SERPINA3: variants seen among roughly 807,000 people sequenced by gnomAD.
The protein encoded by SERPINA3 is alpha-1-antichymotrypsin.
SERPINA3 carries 32 observed loss-of-function variants against 26.8 expected under a neutral mutation model. The observed-to-expected ratio is 1.20, with a 90% CI of 0.90 to 1.61. The LOEUF (loss-of-function observed/expected upper bound fraction) is 1.61. Among genes scored for constraint, SERPINA3 ranks in the 40% most tolerant of loss-of-function variants. The pLI is 0.00. For missense variants in SERPINA3, 632 were observed against 517.9 expected, an observed-to-expected ratio of 1.22 and a Z score of -2.14; for synonymous variants, 252 against 206.4, an observed-to-expected ratio of 1.22 and a Z score of -1.89.
At position 94,614,992 on chromosome 14, in the gene SERPINA3, T is replaced by G; in HGVS notation, c.551T>G (p.Val184Gly). ...GCTAAGAAGCTCATCAACGACTACG[T>G]GAAGAATGGAACTAGGGGGAAAATC... Reference protein sequence around the residue: ...AAAKKLINDYVKNGTRGKITD... With the variant: ...AAAKKLINDYGKNGTRGKITD... Residue 184 changes from valine (V) to glycine (G), a missense_variant, in exon 2 of 5, where the codon GTG (valine) becomes GGG (glycine). Val to Gly is a moderately radical substitution (Grantham distance 109). Transcript: ENST00000393078. 6.2e-7 allele frequency: 1 copy of G among 1,614,026 alleles called. No homozygotes were observed. Among genetic ancestry groups the G allele is most frequent in the Non-Finnish European group, 8.5e-7 (1 of 1,179,900 alleles).
intron 2 of SERPINA3, among the ~76,000 whole-genome samples, chr14:94,617,415 G>T (rs1050670685): frequency 1.3e-5 from 2 of 152,120 alleles, no homozygotes; most frequent in Non-Finnish European, 2.9e-5. Context: ...GGGCACAAGA[G>T]AATGTAGGGC....
At chr14:94,619,818 G>T in intron 3 of SERPINA3, 1 of 381,496 alleles carries the variant, frequency 2.6e-6, no homozygotes, top group Non-Finnish European at 4.9e-6. Flanking sequence ...GCTGCAGTGA[G>T]ATGGACTCTG....
chr14:94,615,243 C>T (rs1176618117), intron 2 of SERPINA3, among the ~76,000 whole-genome samples, 159 bp downstream of exon 2: 2 of 152,230 alleles, frequency 1.3e-5, no homozygotes, highest in Non-Finnish European at 2.9e-5. Flanking sequence ...TAGGCATCGC[C>T]GTCTCCTGTG....
rs542942614 is a variant in SERPINA3, at chr14:94,614,718, A to G, written c.277A>G (p.Asn93Asp). Reference protein sequence around the residue: ...ALAFLSLGAHNTTLTEILKGL... With the variant: ...ALAFLSLGAHDTTLTEILKGL... ...GGCCTTCCTGTCTCTGGGGGCCCAT[A>G]ATACCACCCTGACAGAGATTCTCAA... is the stretch of plus-strand genomic sequence containing the variant. Residue 93 changes from asparagine to aspartate, a missense_variant, in exon 2 of 5, where the codon AAT becomes GAT. Transcript: ENST00000393078. 1.2e-5 allele frequency: 19 copies of G among 1,614,116 alleles called. No individual in the cohort carries two copies. The African/African-American group carries it at 2.4e-4, about 20-fold the overall frequency.
intron 2 of SERPINA3, among the ~76,000 whole-genome samples, chr14:94,617,377 G>A (rs1201475514): frequency 2.0e-5 from 3 of 152,174 alleles, no homozygotes; most frequent in Non-Finnish European, 2.9e-5. Context: ...AAAGCCCAAA[G>A]GTGGGGAAGT....
At chr14:94,615,125 A>C (rs1487448820) in intron 2 of SERPINA3, 41 bp downstream of exon 2, 2 of 1,606,108 alleles carry the variant, frequency 1.2e-6, no homozygotes, top group South Asian at 1.1e-5. Context: ...GGTGGATCTC[A>C]GGGCCATTTC....
At position 94,614,215 on chromosome 14, in the gene SERPINA3, C is replaced by T. The variant is rs147931305; in HGVS notation, c.-8-219C>T. On this transcript the variant is annotated intron_variant, in intron 1 of 4. Transcript: ENST00000393078. Reference sequence around the variant, plus strand: ...CACCGCTCTGTGCCCGGCTTTTCCACTGCAAGAAAATGGCAACAATTATGG... The same window carrying T: ...CACCGCTCTGTGCCCGGCTTTTCCATTGCAAGAAAATGGCAACAATTATGG... 344 of 583,438 alleles carry T rather than the reference C, an allele frequency of 5.9e-4. 1 individual carries two copies. In the African/African-American group the frequency reaches 5.9e-3, roughly 10 times the overall value. 36.1% of individuals were successfully genotyped at this position (583,438 alleles called of 1,614,324 possible). A position where few individuals can be genotyped will look rare whatever the true frequency, so the allele number is the denominator to read the frequency against.
intron 1 of SERPINA3, chr14:94,613,977 C>T (rs1885879948): frequency 1.1e-5 from 2 of 179,344 alleles, no homozygotes; most frequent in African/African-American, 4.7e-5. Context: ...TCCCTGGGTT[C>T]TACTTTGGTG....
chr14:94,619,798 T>C (rs1886135158), intron 3 of SERPINA3: 1 of 423,554 alleles, frequency 2.4e-6, no homozygotes, highest in African/African-American at 2.0e-5. Flanking sequence ...GGAATTGTGA[T>C]CAGTTGAGGG....
Position 94,623,688 on chromosome 14 carries a change from C to A in SERPINA3, c.1146C>A (p.Leu382=). 1 of 1,614,202 alleles carries A rather than the reference C, an allele frequency of 6.2e-7. No homozygotes were observed. Among genetic ancestry groups the A allele is most frequent in the Non-Finnish European group, 8.5e-7 (1 of 1,180,028 alleles). Residue 382 remains leucine, a synonymous_variant, in exon 5 of 5, where the codon CTC becomes CTA. Transcript: ENST00000393078. ...CTGCCACAGCAGTCAAAATCACCCT[C>A]CTTTCTGCATTAGTGGAGACAAGGA... ...ASAATAVKIT[L]LSALVETRTI...
At chr14:94,615,560 G>A (rs377718788) in intron 2 of SERPINA3, 96 of 410,704 alleles carry the variant, frequency 2.3e-4, no homozygotes, top group African/African-American at 1.8e-3. Context: ...GGTGGGGCTG[G>A]GGCCATCTTC....
intron 1 of SERPINA3, among the ~76,000 whole-genome samples, chr14:94,613,060 T>C (rs1378433282): frequency 6.6e-6 from 1 of 152,110 alleles, no homozygotes; most frequent in Non-Finnish European, 1.5e-5. Context: ...TTGTCTAACA[T>C]TTATCCAGAG....
At chr14:94,620,363 C>T (rs1408006225) in intron 3 of SERPINA3, among the ~76,000 whole-genome samples, 3 of 152,138 alleles carry the variant, frequency 2.0e-5, no homozygotes, top group Non-Finnish European at 1.5e-5. Flanking sequence ...AGTGCGCTGG[C>T]ATTGCCTGTG....
chr14:94,617,126 T>C (rs1224021877), intron 2 of SERPINA3, among the ~76,000 whole-genome samples: 1 of 152,138 alleles, frequency 6.6e-6, no homozygotes, highest in East Asian at 1.9e-4. Context: ...TATGGGAAGG[T>C]GCTCCATGGC....
intron 1 of SERPINA3, chr14:94,613,662 G>A (rs2139951793): frequency 6.6e-6 from 1 of 152,352 alleles, no homozygotes; most frequent in Admixed American, 6.5e-5. Context: ...AAGTCTGGGA[G>A]ACTCCAAAGC....
intron 3 of SERPINA3, chr14:94,620,044 A>G (rs61172211): frequency 0.016 from 4,213 of 260,166 alleles, 162 homozygotes; most frequent in African/African-American, 0.081. Context: ...TACGTGATAT[A>G]TTAGAAGGTG....
At chr14:94,616,800 A>G (rs1263085744) in intron 2 of SERPINA3, among the ~76,000 whole-genome samples, 6 of 152,206 alleles carry the variant, frequency 3.9e-5, no homozygotes, top group Admixed American at 3.9e-4. Context: ...GAGATCAGAT[A>G]CTAAAGACAC....
Position 94,614,980 on chromosome 14 carries a change from TCAA to T in SERPINA3, c.541_543del (p.Asn181del). 6.2e-7 allele frequency: 1 copy of T among 1,613,810 alleles called. No individual in the cohort carries two copies. Among genetic ancestry groups the T allele is most frequent in the Non-Finnish European group, 8.5e-7 (1 of 1,179,678 alleles). On this transcript the variant is annotated inframe_deletion, in exon 2 of 5. Coordinates refer to ENST00000393078, the MANE Select transcript of SERPINA3 (RefSeq NM_001085.5). ...GACTCAGCTGCAGCTAAGAAGCTCA[TCAA>T]CGACTACGTGAAGAATGGAACTAGG... is the stretch of plus-strand genomic sequence containing the variant.
Position 94,619,306 on chromosome 14 carries a change from C to T in SERPINA3, c.755C>T (p.Pro252Leu). The change falls in exon 3 of 5, where the codon CCT becomes CTT. Residue 252 changes from proline (P) to leucine (L), a missense_variant. Physicochemically the swap from Pro to Leu is moderately conservative, Grantham distance 98. Coordinates refer to ENST00000393078, the MANE Select transcript of SERPINA3 (RefSeq NM_001085.5). ...ATGAGTTTGCATCACCTGACTATACCTTACTTCCGGGACGAGGAGCTGTCC... is the reference window on the plus strand; with the variant it reads ...ATGAGTTTGCATCACCTGACTATACTTTACTTCCGGGACGAGGAGCTGTCC... ...PMMSLHHLTI[P>L]YFRDEELSCT... The T allele has an allele frequency of 6.2e-7, 1 of 1,614,168 alleles. No homozygotes were observed. The highest frequency in any genetic ancestry group is 8.5e-7 in the Non-Finnish European group (1 of 1,180,042).
Sources: allele counts gnomAD v4.1 joint callset (sites outside exome capture counted in the v4.1 genomes callset), GRCh38; gene constraint gnomAD v4.1.1; transcripts MANE v1.5; gene names NCBI Gene and HGNC (gene_info 2026-07-23, HGNC 2026-07-21).